The following ABI3BP variants were observed in gnomAD, a reference collection of about 807,000 sequenced individuals.
The protein encoded by ABI3BP is ABI family member 3 binding protein.
A neutral mutation model predicts 268.6 loss-of-function variants in ABI3BP; 216 were observed. That is an observed-to-expected ratio of 0.80 (90% confidence interval 0.72 to 0.90). ABI3BP has a LOEUF of 0.90. Among genes scored for constraint, ABI3BP ranks in the 40% least tolerant of loss-of-function variants. The pLI, the probability that ABI3BP is intolerant of heterozygous loss-of-function variation, is 0.00. For missense variants in ABI3BP, 2,090 were observed against 2,182.4 expected, an observed-to-expected ratio of 0.96 and a Z score of 0.84; for synonymous variants, 730 against 730.0, an observed-to-expected ratio of 1.00 and a Z score of 0.00.
At chr3:100,992,329 G>A (rs1199546775) in intron 1 of ABI3BP, among the ~76,000 whole-genome samples, 1 of 152,120 alleles carries the variant, frequency 6.6e-6, no homozygotes, top group East Asian at 1.9e-4. Flanking sequence ...CCAGAGAGAG[G>A]ACCTAGGGAT....
In ABI3BP at chr3:100,752,958, G is replaced by A. The variant is rs1380374149; in HGVS notation, c.4961-10C>T. On this transcript the variant is annotated splice_polypyrimidine_tract_variant and intron_variant, in intron 65 of 67. Transcript: ENST00000471714. ...ATGGCATCTCTTCCTGCTACAAAAG[G>A]AAAATAGTTTGAGTTTAGTATCTGA... is the stretch of plus-strand genomic sequence containing the variant. 6.2e-7 allele frequency: 1 copy of A among 1,605,068 alleles called. No homozygotes were observed. The highest frequency in any genetic ancestry group is 8.5e-7 in the Non-Finnish European group (1 of 1,175,908).
At chr3:100,763,635 T>C (rs1477783653) in intron 63 of ABI3BP, among the ~76,000 whole-genome samples, 1 of 151,986 alleles carries the variant, frequency 6.6e-6, no homozygotes, top group Non-Finnish European at 1.5e-5. Flanking sequence ...CATACTGTCT[T>C]TCAGTGTGAA....
intron 1 of ABI3BP, among the ~76,000 whole-genome samples, chr3:100,983,160 A>G (rs1014483094): frequency 9.2e-5 from 14 of 152,194 alleles, no homozygotes; most frequent in Admixed American, 5.9e-4. Flanking sequence ...CCTTGGCATC[A>G]CCTTGTAAGC....
chr3:100,778,427 T>A (rs1431981305), intron 58 of ABI3BP, 51 bp from the exon 59 acceptor site: 3 of 1,503,216 alleles, frequency 2.0e-6, no homozygotes, highest in Non-Finnish European at 2.7e-6. Context: ...TCATAAAGAT[T>A]CATTATCGAA....
intron 61 of ABI3BP, among the ~76,000 whole-genome samples, chr3:100,771,555 G>A (rs2096546748): frequency 6.6e-6 from 1 of 152,050 alleles, no homozygotes; most frequent in Non-Finnish European, 1.5e-5. Flanking sequence ...TATTCAAAAA[G>A]TTAGTAAAGA....
intron 1 of ABI3BP, among the ~76,000 whole-genome samples, chr3:100,939,754 T>C (rs1451601787): frequency 6.6e-6 from 1 of 152,072 alleles, no homozygotes; most frequent in Admixed American, 6.6e-5. Flanking sequence ...GACAGGGTTT[T>C]GAGAGCAACC....
intron 37 of ABI3BP, among the ~76,000 whole-genome samples, chr3:100,823,176 T>C (rs1176672139): frequency 1.3e-5 from 2 of 152,146 alleles, no homozygotes; most frequent in Non-Finnish European, 2.9e-5. Flanking sequence ...AGGAAGGAGT[T>C]AGAAACCCAC....
intron 51 of ABI3BP, among the ~76,000 whole-genome samples, chr3:100,801,841 C>T (rs1248626966): frequency 6.6e-6 from 1 of 152,120 alleles, no homozygotes; most frequent in Non-Finnish European, 1.5e-5. Context: ...GTTCTCTACC[C>T]TGCTCATCCC....
At chr3:100,927,003 A>G (rs2061994314) in intron 1 of ABI3BP, among the ~76,000 whole-genome samples, 1 of 152,128 alleles carries the variant, frequency 6.6e-6, no homozygotes, top group South Asian at 2.1e-4. Flanking sequence ...TTGAGGAGGA[A>G]AATGATTAGT....
intron 3 of ABI3BP, among the ~76,000 whole-genome samples, chr3:100,899,364 A>G (rs889222932): frequency 6.6e-6 from 1 of 152,208 alleles, no homozygotes; most frequent in Admixed American, 6.5e-5. Flanking sequence ...AAACCTTATT[A>G]TCTAGATTGT....
At chr3:100,867,640 C>CAAAAAA (rs5851230) in intron 9 of ABI3BP, among the ~76,000 whole-genome samples, 10,578 of 63,926 alleles carry the variant, frequency 0.17, 1,363 homozygotes, top group South Asian at 0.22. Flanking sequence ...GACCCCGTCT[C>CAAAAAA]AAAAAAAAAA....
chr3:100,951,265 A>T (rs1173680841), intron 1 of ABI3BP, among the ~76,000 whole-genome samples: 1 of 150,900 alleles, frequency 6.6e-6, no homozygotes, highest in African/African-American at 2.5e-5. Context: ...CCTTTGCCCC[A>T]CCTCCCCCTA....
intron 15 of ABI3BP, 73 bp downstream of exon 15, chr3:100,851,801 CA>C (rs2098842315): frequency 7.5e-7 from 1 of 1,337,426 alleles, no homozygotes; most frequent in Non-Finnish European, 1.0e-6. Flanking sequence ...TTCCACTCTG[CA>C]AAAACTAAAG....
rs144604645 is a variant in ABI3BP at position 100,869,330 on chromosome 3, G to GTTTTTTTTTTTTTTTTTTTTT, written c.911-2395_911-2375dup. 6.5e-3 allele frequency among the ~76,000 whole-genome samples: 322 copies of GTTTTTTTTTTTTTTTTTTTTT among 49,760 alleles called. 54 individuals carry two copies. Among genetic ancestry groups the GTTTTTTTTTTTTTTTTTTTTT allele is most frequent in the East Asian group, 8.5e-3 (11 of 1,294 alleles). 32.6% of individuals were successfully genotyped at this position (49,760 alleles called of 152,430 possible). A position where few individuals can be genotyped will look rare whatever the true frequency, so the allele number is the denominator to read the frequency against. ...ATATTGTTTTTTCTTCTTCTTTTTG[G>GTTTTTTTTTTTTTTTTTTTTT]TTTTTTTTTTTTTTTTTTTTTTTTT... On this transcript the variant is annotated intron_variant, in intron 9 of 67. Coordinates refer to ENST00000471714, the MANE Select transcript of ABI3BP (RefSeq NM_001375547.2).
chr3:100,932,731 G>A (rs1173792434), intron 1 of ABI3BP, among the ~76,000 whole-genome samples: 1 of 152,000 alleles, frequency 6.6e-6, no homozygotes, highest in Admixed American at 6.6e-5. Flanking sequence ...AAAAGGGAAT[G>A]TTTACACACT....
intron 50 of ABI3BP, 59 bp downstream of exon 50, chr3:100,808,102 G>T: frequency 6.9e-7 from 1 of 1,442,602 alleles, no homozygotes; most frequent in South Asian, 1.2e-5. Flanking sequence ...TGAACAATTT[G>T]CTAGAATAAC....
chr3:100,931,800 A>G (rs1285619584), intron 1 of ABI3BP, among the ~76,000 whole-genome samples: 3 of 152,104 alleles, frequency 2.0e-5, no homozygotes, highest in Non-Finnish European at 2.9e-5. Context: ...TACAGATTCA[A>G]TGTTCTTTCT....
chr3:100,770,847 C>A lies in ABI3BP; in HGVS notation c.4637G>T (p.Ser1546Ile), dbSNP rs745918552. Residue 1546 changes from serine to isoleucine, a missense_variant, in exon 62 of 68, where the codon AGC becomes ATC. By Grantham distance (142) the Ser-to-Ile change is moderately radical (BLOSUM62 -2). Coordinates refer to ENST00000471714, the MANE Select transcript of ABI3BP (RefSeq NM_001375547.2). ...KEEATEGNATSPPQNPPTNLT... is the reference protein window; with the variant it reads ...KEEATEGNATIPPQNPPTNLT... ...GTTGGTGGGTGGGTTCTGTGGTGGG[C>A]TGGTGGCATTCCCCTCTGTGGCCTC... 2 of 1,604,690 alleles carry A rather than the reference C, an allele frequency of 1.2e-6. No individual in the cohort carries two copies. The highest frequency in any genetic ancestry group is 2.7e-5 in the African/African-American group (2 of 74,704).
chr3:100,988,621 T>C (rs752046969), intron 1 of ABI3BP, among the ~76,000 whole-genome samples: 6 of 152,130 alleles, frequency 3.9e-5, no homozygotes, highest in Non-Finnish European at 7.3e-5. Flanking sequence ...GGATCCTTTT[T>C]TTCTCAAAAT....
Sources: gnomAD v4.1 joint callset for allele counts (sites outside exome capture counted in the v4.1 genomes callset) on GRCh38, gnomAD v4.1.1 for gene constraint, MANE v1.5 for transcripts, NCBI Gene and HGNC (gene_info 2026-07-23, HGNC 2026-07-21) for gene names.